The following PLXNA4 variants were observed in gnomAD, a reference collection of about 807,000 sequenced individuals.
PLXNA4 encodes plexin A4.
In PLXNA4, 44 loss-of-function variants were observed where a neutral mutation model predicts 191.8. That is an observed-to-expected ratio of 0.23 (90% CI 0.18 to 0.29). The LOEUF (loss-of-function observed/expected upper bound fraction) is 0.29, where lower values mean the gene tolerates loss of function less well. Ranked by LOEUF, PLXNA4 falls within the 10% of genes least tolerant of loss-of-function variation. PLXNA4 has a pLI of 1.00. For synonymous variants in PLXNA4, 1,082 were observed against 1,009.5 expected (o/e 1.07, Z -1.36); for missense variants, 1,800 against 2,488.8 (o/e 0.72, Z 5.89).
chr7:132,240,915 T>C, intron 5 of PLXNA4, 151 bp downstream of exon 5: 1 of 539,644 alleles, frequency 1.9e-6, no homozygotes, highest in Non-Finnish European at 3.2e-6. Flanking sequence ...GGAAGGGAGA[T>C]AACATTTGGA....
intron 9 of PLXNA4, among the ~76,000 whole-genome samples, chr7:132,218,082 C>T (rs1315559549): frequency 6.6e-6 from 1 of 151,970 alleles, no homozygotes; most frequent in Non-Finnish European, 1.5e-5. Context: ...CCTTGGTCTG[C>T]TCCTGTCTCA....
chr7:132,319,321 C>T (rs770774868), intron 3 of PLXNA4, among the ~76,000 whole-genome samples: 3 of 152,174 alleles, frequency 2.0e-5, no homozygotes, highest in Non-Finnish European at 4.4e-5. Context: ...TGAGTAAGTG[C>T]TACTGGTGAT....
intron 1 of PLXNA4, among the ~76,000 whole-genome samples, chr7:132,563,198 TC>T (rs1801410539): frequency 1.4e-5 from 1 of 71,264 alleles, no homozygotes; most frequent in Non-Finnish European, 3.0e-5. Context: ...CTCCTCCTCC[TC>T]TTCCTCCTCC....
intron 1 of PLXNA4, among the ~76,000 whole-genome samples, chr7:132,556,094 C>A (rs1465064489): frequency 6.6e-6 from 1 of 152,204 alleles, no homozygotes; most frequent in African/African-American, 2.4e-5. Context: ...TGAGCTGAAA[C>A]CTGCAACCAC....
intron 1 of PLXNA4, among the ~76,000 whole-genome samples, chr7:132,522,171 T>C (rs972960649): frequency 1.3e-5 from 2 of 152,028 alleles, no homozygotes; most frequent in African/African-American, 4.8e-5. Flanking sequence ...CACAGCATGC[T>C]CCATGCAGAG....
intron 3 of PLXNA4, among the ~76,000 whole-genome samples, chr7:132,338,313 G>A (rs1359805656): frequency 6.6e-6 from 1 of 152,214 alleles, no homozygotes; most frequent in East Asian, 1.9e-4. Flanking sequence ...ATGCGTAGAT[G>A]AAACTTTAGT....
At chr7:132,393,200 A>T (rs866794230) in intron 3 of PLXNA4, among the ~76,000 whole-genome samples, 6 of 38,148 alleles carry the variant, frequency 1.6e-4, no homozygotes, top group Admixed American at 3.1e-4. Flanking sequence ...ACCCCCCCCC[A>T]CCACCACCAC....
intron 1 of PLXNA4, among the ~76,000 whole-genome samples, chr7:132,565,047 C>T (rs1470881398): frequency 6.6e-6 from 1 of 152,210 alleles, no homozygotes; most frequent in Non-Finnish European, 1.5e-5. Flanking sequence ...AGCAAACACA[C>T]GGGAGCCGGC....
chr7:132,187,598 G>C lies in PLXNA4; in HGVS notation c.2866C>G (p.Leu956Val), dbSNP rs1796922177. ...SQLYYFMTLT[L>V]SDLKPSRGPM... ...CCCCGGCTGGGCTTCAGATCTGAGA[G>C]AGTCAGTGTCTGTGTAGAAAGGATG... is the stretch of plus-strand genomic sequence containing the variant. Residue 956 changes from leucine (L) to valine (V), a missense_variant, in exon 15 of 32, where the codon CTC becomes GTC. Leu to Val is a conservative substitution (Grantham distance 32). Coordinates refer to ENST00000321063, the MANE Select transcript of PLXNA4 (RefSeq NM_020911.2). The C allele has an allele frequency of 4.3e-6, 7 of 1,613,250 alleles. No individual in the cohort carries two copies. The highest frequency in any genetic ancestry group is 2.2e-5 in the East Asian group (1 of 44,826).
At chr7:132,225,330 C>T (rs999477455) in intron 8 of PLXNA4, among the ~76,000 whole-genome samples, 6 of 152,312 alleles carry the variant, frequency 3.9e-5, no homozygotes, top group South Asian at 2.1e-4. Context: ...TAGGCAGAGC[C>T]GATATTCAGA....
intron 3 of PLXNA4, among the ~76,000 whole-genome samples, chr7:132,426,266 G>A (rs879598243): frequency 6.6e-6 from 1 of 152,224 alleles, no homozygotes; most frequent in Non-Finnish European, 1.5e-5. Context: ...CCCCGGTGAT[G>A]ACCCAGTAGA....
At chr7:132,492,356 C>A (rs1372835942) in intron 2 of PLXNA4, among the ~76,000 whole-genome samples, 1 of 152,120 alleles carries the variant, frequency 6.6e-6, no homozygotes, top group Non-Finnish European at 1.5e-5. Context: ...TCAACAGCCA[C>A]GTACAAAAAG....
At chr7:132,453,303 A>G (rs990621281) in intron 3 of PLXNA4, among the ~76,000 whole-genome samples, 3 of 152,150 alleles carry the variant, frequency 2.0e-5, no homozygotes, top group Non-Finnish European at 1.5e-5. Flanking sequence ...GACCCCACAC[A>G]GGGACTCAGA....
intron 2 of PLXNA4, among the ~76,000 whole-genome samples, chr7:132,605,650 A>G (rs1347505351): frequency 7.2e-6 from 1 of 138,878 alleles, no homozygotes; most frequent in Admixed American, 8.0e-5. Flanking sequence ...CACCCCTCAC[A>G]TGCACAAAAA....
In PLXNA4 at chr7:132,422,479, G is replaced by A. The variant is rs114875875; in HGVS notation, c.1371+66813C>T. Among the ~76,000 whole-genome samples the A allele has an allele frequency of 9.3e-3, 1,411 of 152,282 alleles. 21 individuals carry two copies. Among genetic ancestry groups the A allele is most frequent in the African/African-American group, 0.032 (1,344 of 41,554 alleles). The stretch of plus-strand genomic sequence containing the variant: ...AGCTGAGATCAAAAGTACGGCTGCC[G>A]ACTTCCAAAATCCATGAATGTGCCA... On this transcript the variant is annotated intron_variant, in intron 3 of 31. Transcript: ENST00000321063.
At chr7:132,378,640 G>A (rs118133428) in intron 3 of PLXNA4, among the ~76,000 whole-genome samples, 4,805 of 152,180 alleles carry the variant, frequency 0.032, 273 homozygotes, top group Admixed American at 0.15. Flanking sequence ...ATTTCACCTA[G>A]GTCTGTGATC....
intron 3 of PLXNA4, among the ~76,000 whole-genome samples, chr7:132,338,895 A>G (rs1802918648): frequency 6.6e-6 from 1 of 152,204 alleles, no homozygotes; most frequent in African/African-American, 2.4e-5. Context: ...CTGCAGCAGT[A>G]TCCTAAAGTT....
Position 132,298,123 on chromosome 7 carries a change from G to T in PLXNA4, c.1471C>A (p.His491Asn), listed in dbSNP as rs764488585. Residue 491 changes from histidine to asparagine, a missense_variant, in exon 4 of 32, where the codon CAC becomes AAC. This residue lies in a region of PLXNA4 where 1,397 missense variants were observed against 1,880.4 expected (regional missense o/e 0.74). Transcript: ENST00000321063. The part of the protein sequence containing the change: ...VLRDMAFSKD[H>N]EQLYIMSERQ... ...TCTGACATGATGTAGAGTTGCTCGT[G>T]GTCCTTGGAGAAGGCCATATCCCGG... is the stretch of plus-strand genomic sequence containing the variant. The T allele has an allele frequency of 1.2e-6, 2 of 1,614,050 alleles. No individual in the cohort carries two copies. Among genetic ancestry groups the T allele is most frequent in the Admixed American group, 3.3e-5 (2 of 60,010 alleles).
chr7:132,317,381 AGTTGGGTTGGATTGG>A (rs1345937795), intron 3 of PLXNA4, among the ~76,000 whole-genome samples: 1 of 144,994 alleles, frequency 6.9e-6, no homozygotes, highest in Non-Finnish European at 1.5e-5. Context: ...TATTGGATTG[AGTTGGGTTGGATTGG>A]GTTGGGTTGG....
Sources: allele counts gnomAD v4.1 joint callset (sites outside exome capture counted in the v4.1 genomes callset), GRCh38; gene constraint gnomAD v4.1.1; regional missense constraint gnomAD v4.1.1; transcripts MANE v1.5; gene names NCBI Gene and HGNC (gene_info 2026-07-23, HGNC 2026-07-21).